PLCH2: variants seen among roughly 807,000 people sequenced by gnomAD.
PLCH2 encodes the protein 1-phosphatidylinositol 4,5-bisphosphate phosphodiesterase eta-2.
In PLCH2, 98 loss-of-function variants were observed where a neutral mutation model predicts 134.7. That is an observed-to-expected ratio of 0.73 (90% confidence interval 0.62 to 0.86). PLCH2 has a LOEUF of 0.86. PLCH2 is among the 40% of genes least tolerant of loss of function. The probability of loss-of-function intolerance (pLI) is 0.00; values close to 1 mark genes in which losing one functional copy is unlikely to be tolerated. For missense variants in PLCH2, 1,994 were observed against 1,986.6 expected (o/e 1.00, Z -0.07); for synonymous variants, 974 against 827.5 (o/e 1.18, Z -3.04).
At chr1:2,492,508 G>A (rs887150161) in intron 11 of PLCH2, 16 of 152,444 alleles carry the variant, frequency 1.0e-4, no homozygotes, top group African/African-American at 3.9e-4. Context: ...GCTCAGGGAA[G>A]GCTTCCTGCA....
chr1:2,501,378 T>C (rs1198065624), intron 20 of PLCH2: 1 of 152,236 alleles, frequency 6.6e-6, no homozygotes, highest in Non-Finnish European at 1.5e-5. Context: ...TGGGCCCAGC[T>C]GTCCAGGAAG....
At chr1:2,469,306 A>G (rs1233541858) in intron 1 of PLCH2, among the ~76,000 whole-genome samples, 1 of 152,146 alleles carries the variant, frequency 6.6e-6, no homozygotes, top group East Asian at 1.9e-4. Context: ...TGGCCAGGGA[A>G]GGGCCTAGTC....
Position 2,501,837 on chromosome 1 carries a change from G to C in PLCH2, c.2662-275G>C, listed in dbSNP as rs1643241103. The C allele has an allele frequency of 2.8e-5, 12 of 425,038 alleles. No individual in the cohort carries two copies. The Admixed American group carries it at 4.6e-4, about 16-fold the overall frequency. 26.3% of individuals were successfully genotyped at this position (425,038 alleles called of 1,614,324 possible). ...CCCCTCAAGGGCCCCACATGCCCTG[G>C]ACAGGTCAGGCGAGGGCAGTTTCTG... is the stretch of plus-strand genomic sequence containing the variant. On this transcript the variant is annotated intron_variant, in intron 20 of 21. Coordinates refer to ENST00000378486, the MANE Select transcript of PLCH2 (RefSeq NM_014638.4).
intron 2 of PLCH2, among the ~76,000 whole-genome samples, chr1:2,442,113 A>G (rs944048507): frequency 3.7e-4 from 57 of 152,096 alleles, no homozygotes; most frequent in African/African-American, 1.3e-3. Flanking sequence ...TGAGCTTTGC[A>G]CCAGGAGGAA....
At chr1:2,458,205 G>T (rs1377337052) in intron 2 of PLCH2, among the ~76,000 whole-genome samples, 2 of 152,186 alleles carry the variant, frequency 1.3e-5, no homozygotes, top group African/African-American at 4.8e-5. Flanking sequence ...GGGGCGGGGG[G>T]ACTCCTATCA....
chr1:2,504,255 G>A lies in PLCH2; in HGVS notation c.3293G>A (p.Gly1098Glu), dbSNP rs542640262. Residue 1098 changes from glycine to glutamate, a missense_variant, in exon 22 of 22, where the codon GGG becomes GAG. Around this residue, in one of 2 missense-constraint regions of PLCH2, gnomAD observed 900 missense variants for 752.3 expected, o/e 1.20. Coordinates refer to ENST00000378486, the MANE Select transcript of PLCH2 (RefSeq NM_014638.4). ...LPVIRRVKSE[G>E]QVPTEPLGGW... ...GTGATTAGAAGGGTGAAGAGTGAGGGGCAGGTGCCCACGGAGCCCCTGGGA... is the reference window on the plus strand; with the variant it reads ...GTGATTAGAAGGGTGAAGAGTGAGGAGCAGGTGCCCACGGAGCCCCTGGGA... The A allele has an allele frequency of 5.0e-4, 799 of 1,590,364 alleles. 8 individuals are homozygous for A. The South Asian group carries it at 8.5e-3, about 17-fold the overall frequency.
rs1643015965 is a variant in PLCH2 at position 2,498,461 on chromosome 1, C to A, written c.2225-62C>A. Reference sequence around the variant, plus strand: ...GGGAGGGGGCTGTTGGCAGCCATGCCCCAGCAAGCAGGGGGCTTGCTGAGG... The same window carrying A: ...GGGAGGGGGCTGTTGGCAGCCATGCACCAGCAAGCAGGGGGCTTGCTGAGG... On this transcript the variant is annotated intron_variant, in intron 16 of 21. Coordinates refer to ENST00000378486, the MANE Select transcript of PLCH2 (RefSeq NM_014638.4). This position sits in a 1 kb window ranked among gnomAD's most constrained non-coding sequence, Gnocchi z 5.4. The A allele has an allele frequency of 1.3e-6, 2 of 1,561,342 alleles. No individual in the cohort carries two copies. Among genetic ancestry groups the A allele is most frequent in the East Asian group, 4.6e-5 (2 of 43,028 alleles).
In PLCH2 at chr1:2,476,690, A is replaced by G. The variant is rs1176446979; in HGVS notation, c.102A>G (p.Ser34=). 2 of 1,609,786 alleles carry G rather than the reference A, an allele frequency of 1.2e-6. No individual in the cohort carries two copies. Among genetic ancestry groups the G allele is most frequent in the Admixed American group, 1.7e-5 (1 of 59,664 alleles). ...LWVGGSVVLS[S]EWQLGPLVER... is the part of the protein sequence containing the mutation. ...TTGGAGGGAGTGTGGTGCTGTCTTC[A>G]GAGTGGCAGCTCGGCCCCCTGGGTA... The change falls in exon 1 of 22, where the codon TCA becomes TCG. Residue 34 remains serine (S), a synonymous_variant. Coordinates refer to ENST00000378486, the MANE Select transcript of PLCH2 (RefSeq NM_014638.4).
At chr1:2,458,509 C>T (rs935243839) in intron 2 of PLCH2, among the ~76,000 whole-genome samples, 5 of 152,154 alleles carry the variant, frequency 3.3e-5, no homozygotes, top group African/African-American at 9.7e-5. Flanking sequence ...CAGGCTGGCC[C>T]GAGTGGCCTT....
chr1:2,467,004 G>T (rs922692128), upstream of PLCH2, among the ~76,000 whole-genome samples: 2 of 152,154 alleles, frequency 1.3e-5, no homozygotes, highest in African/African-American at 4.8e-5. Context: ...AATGACCCTT[G>T]GCAGTGCTCA....
rs574497933 is a variant in PLCH2 at position 2,481,664 on chromosome 1, G to C, written c.645+1352G>C. 2.6e-5 allele frequency among the ~76,000 whole-genome samples: 4 copies of C among 152,372 alleles called. No homozygotes were observed. The East Asian group carries it at 5.8e-4, about 22-fold the overall frequency. ...GAAGCAGGGACAGTCTGCAGGGCTG[G>C]CTCTGGAGAGGAATGGCGAGGTAGC... On this transcript the variant is annotated intron_variant, in intron 4 of 21. Coordinates refer to ENST00000378486, the MANE Select transcript of PLCH2 (RefSeq NM_014638.4).
At position 2,498,804 on chromosome 1, in the gene PLCH2, C is replaced by T. The variant is rs1322269444; in HGVS notation, c.2410C>T (p.Gln804Ter). ...IGLPVDCSRE[Q>*]TRVVDDNGFN... ...GCTCCCTGTGGACTGCAGCAGGGAG[C>T]AGACCCGCGTGGTGGACGACAACGG... Residue 804 changes from glutamine (Q) to a stop codon, truncating the protein, a stop_gained, in exon 18 of 22, where the codon CAG becomes TAG. Transcript: ENST00000378486. LOFTEE classifies it high-confidence loss of function. This position sits in a 1 kb window ranked among gnomAD's most constrained non-coding sequence, Gnocchi z 5.4. The T allele has an allele frequency of 8.1e-6, 13 of 1,610,868 alleles. No homozygotes were observed. Among genetic ancestry groups the T allele is most frequent in the Non-Finnish European group, 1.1e-5 (13 of 1,178,638 alleles).
chr1:2,501,811 G>T, intron 20 of PLCH2: 1 of 366,348 alleles, frequency 2.7e-6, no homozygotes, highest in Non-Finnish European at 4.9e-6. Context: ...TTCTCTCCAT[G>T]CCCCTCAAGG....
chr1:2,488,833 C>T (rs1477840283), intron 8 of PLCH2, among the ~76,000 whole-genome samples: 1 of 152,216 alleles, frequency 6.6e-6, no homozygotes, highest in Non-Finnish European at 1.5e-5. Context: ...TATTTCCCAG[C>T]CTATCTATAG....
upstream of PLCH2, among the ~76,000 whole-genome samples, chr1:2,467,299 C>T (rs1342340185): frequency 1.3e-5 from 2 of 152,154 alleles, no homozygotes; most frequent in African/African-American, 4.8e-5. Context: ...CAGCTCAGCT[C>T]CCGCCAGAGA....
chr1:2,449,130 G>A lies in PLCH2; in HGVS notation c.115+18501G>A, dbSNP rs115044043. Among the ~76,000 whole-genome samples, 817 of 151,378 alleles carry A rather than the reference G, an allele frequency of 5.4e-3. 9 individuals carry two copies. Among genetic ancestry groups the A allele is most frequent in the African/African-American group, 0.019 (772 of 41,214 alleles). On this transcript the variant is annotated intron_variant, in intron 2 of 3. Transcript: ENST00000609981. ...CTGGACGGAGGAAAATGCAGATTCA[G>A]CACCCCCACCCCCCGCCCCCCACCA... is the stretch of plus-strand genomic sequence containing the variant.
upstream of PLCH2, among the ~76,000 whole-genome samples, chr1:2,462,885 C>T (rs929237875): frequency 5.3e-5 from 8 of 152,216 alleles, no homozygotes; most frequent in African/African-American, 1.2e-4. Flanking sequence ...GGATCTGGCC[C>T]TTCGAGGCCC....
chr1:2,472,304 C>T (rs1037427432), upstream of PLCH2, among the ~76,000 whole-genome samples: 3 of 152,180 alleles, frequency 2.0e-5, no homozygotes, highest in Non-Finnish European at 4.4e-5. Flanking sequence ...CCCGGCTGAT[C>T]TCCAGTGAGC....
chr1:2,437,320 C>A (rs1011670410), intron 2 of PLCH2, among the ~76,000 whole-genome samples: 1 of 152,148 alleles, frequency 6.6e-6, no homozygotes, highest in African/African-American at 2.4e-5. Context: ...TAGGGTTGCT[C>A]CATGCAGTGC....
Sources: gnomAD v4.1 joint callset for allele counts (sites outside exome capture counted in the v4.1 genomes callset) on GRCh38, gnomAD v4.1.1 for gene constraint, gnomAD v4.1.1 regional missense constraint, Gnocchi (gnomAD v3.1) non-coding constraint, MANE v1.5 for transcripts, NCBI Gene and HGNC (gene_info 2026-07-23, HGNC 2026-07-21) for gene names.